PPFIA3: variants seen among roughly 807,000 people sequenced by gnomAD.
PPFIA3 encodes PPFI scaffold protein A3.
A neutral mutation model predicts 145.8 loss-of-function variants in PPFIA3; 26 were observed. That is an observed-to-expected ratio of 0.18 (90% CI 0.13 to 0.25). PPFIA3 has a LOEUF of 0.25. Ranked by LOEUF, PPFIA3 falls within the 10% of genes least tolerant of loss-of-function variation. The probability of loss-of-function intolerance (pLI) is 1.00; values close to 1 mark genes in which losing one functional copy is unlikely to be tolerated. For synonymous variants in PPFIA3, 645 were observed against 661.4 expected (o/e 0.98, Z 0.38); for missense variants, 1,008 against 1,587.8 (o/e 0.63, Z 6.21).
At chr19:49,146,388 C>A in intron 23 of PPFIA3, 196 bp downstream of exon 23, 2 of 666,374 alleles carry the variant, frequency 3.0e-6, no homozygotes, top group South Asian at 3.8e-5. Context: ...GATGTGGAAG[C>A]CCAGACTGTT....
chr19:49,142,768 C>A, intron 20 of PPFIA3, 36 bp from the exon 21 acceptor site: 2 of 1,595,694 alleles, frequency 1.3e-6, no homozygotes, highest in Non-Finnish European at 1.7e-6. Context: ...TCCTCTGTCC[C>A]TCTGTCCCCT....
rs750256296 is a variant in PPFIA3 at position 49,134,188 on chromosome 19, C to A, written c.1377+23C>A. ...AAGGTGCGCCCCCCATACAGGACTGCGGGACGCGGAATTCCGGGACTACCT... is the reference window on the plus strand; with the variant it reads ...AAGGTGCGCCCCCCATACAGGACTGAGGGACGCGGAATTCCGGGACTACCT... On this transcript the variant is annotated intron_variant, in intron 11 of 29. Coordinates refer to ENST00000334186, the MANE Select transcript of PPFIA3 (RefSeq NM_003660.4). 13 of 1,571,046 alleles carry A rather than the reference C, an allele frequency of 8.3e-6. No homozygotes were observed. The Admixed American group carries it at 1.2e-4, about 14-fold the overall frequency.
chr19:49,137,041 A>T (rs2041147033), intron 15 of PPFIA3, 130 bp downstream of exon 15: 1 of 857,662 alleles, frequency 1.2e-6, no homozygotes, highest in Non-Finnish European at 1.7e-6. Context: ...TTCCAGCCCA[A>T]CACTCACTCC....
At chr19:49,148,344 T>C in intron 24 of PPFIA3, 86 bp downstream of exon 24, 3 of 1,413,556 alleles carry the variant, frequency 2.1e-6, no homozygotes, top group Non-Finnish European at 2.8e-6. Flanking sequence ...CCATGGGAGA[T>C]TCCCAGGCTT....
At chr19:49,137,398 G>A (rs554955113) in intron 15 of PPFIA3, among the ~76,000 whole-genome samples, 20 of 152,072 alleles carry the variant, frequency 1.3e-4, no homozygotes, top group Admixed American at 8.5e-4. Context: ...TGAGGCCAGC[G>A]GATCATGAGG....
chr19:49,121,499 A>G (rs1171735881), intron 1 of PPFIA3, among the ~76,000 whole-genome samples: 1 of 152,098 alleles, frequency 6.6e-6, no homozygotes, highest in Non-Finnish European at 1.5e-5. Context: ...TTTTTTGGCC[A>G]GGCGCGGTGG....
intron 1 of PPFIA3, among the ~76,000 whole-genome samples, chr19:49,123,384 C>G (rs1445031801): frequency 6.6e-6 from 1 of 152,034 alleles, no homozygotes; most frequent in Non-Finnish European, 1.5e-5. Flanking sequence ...ATCCTCTCAC[C>G]TTGGCCTTCC....
In PPFIA3 at chr19:49,149,946, G is replaced by C. The variant is rs1184817624; in HGVS notation, c.3527-134G>C. ...AATGCGAGTTTGAGTCCTTGGCTGC[G>C]GGGAAGGGAGGGAAACCCATGTGGA... On this transcript the variant is annotated intron_variant, in intron 28 of 29. Coordinates refer to ENST00000334186, the MANE Select transcript of PPFIA3 (RefSeq NM_003660.4). This position sits in a 1 kb window ranked among gnomAD's most constrained non-coding sequence, Gnocchi z 5.7. 29 of 1,197,734 alleles carry C rather than the reference G, an allele frequency of 2.4e-5. No individual in the cohort carries two copies. The highest frequency in any genetic ancestry group is 3.3e-5 in the Non-Finnish European group (28 of 855,670). 74.2% of individuals were successfully genotyped at this position (1,197,734 alleles called of 1,614,324 possible).
rs559402589 is a variant in PPFIA3, at chr19:49,131,208, G to T, written c.879+609G>T. On this transcript the variant is annotated intron_variant, in intron 7 of 29. Transcript: ENST00000334186. ...TTTTGAGATGGAGTCTAGCTGTGTC[G>T]CCCAGGCTGGAGTGCAGTGTCGGGA... Among the ~76,000 whole-genome samples the T allele has an allele frequency of 3.3e-4, 42 of 128,066 alleles. 1 individual carries two copies. The highest frequency in any genetic ancestry group is 1.8e-3 in the South Asian group (7 of 3,914). 84.0% of individuals were successfully genotyped at this position (128,066 alleles called of 152,430 possible). A position where few individuals can be genotyped will look rare whatever the true frequency, so the allele number is the denominator to read the frequency against.
chr19:49,145,898 C>G, intron 21 of PPFIA3, 45 bp from the exon 22 acceptor site: 1 of 1,573,620 alleles, frequency 6.4e-7, no homozygotes, highest in Non-Finnish European at 8.7e-7. Context: ...CTCTCCCCCA[C>G]GCGAAGCCCT....
chr19:49,149,616 G>C lies in PPFIA3; in HGVS notation c.3424G>C (p.Val1142Leu). The C allele has an allele frequency of 6.2e-7, 1 of 1,614,200 alleles. No individual in the cohort carries two copies. Reference protein sequence around the residue: ...KMFREKDLRGVTPDSAEMLPP... With the variant: ...KMFREKDLRGLTPDSAEMLPP... ...GTTCCGGGAGAAGGACCTCCGAGGC[G>C]TAACTCCCGACTCAGCTGAGATGTT... Residue 1142 changes from valine (V) to leucine (L), a missense_variant, in exon 28 of 30, where the codon GTA becomes CTA. Around this residue, in one of 11 missense-constraint regions of PPFIA3, gnomAD observed 125 missense variants for 159.3 expected, o/e 0.78. Coordinates refer to ENST00000334186, the MANE Select transcript of PPFIA3 (RefSeq NM_003660.4). The surrounding 1 kb of genome is among the most constrained non-coding windows in gnomAD (Gnocchi z 5.7).
chr19:49,139,296 G>A (rs1028809426), intron 16 of PPFIA3, among the ~76,000 whole-genome samples: 9 of 150,364 alleles, frequency 6.0e-5, no homozygotes, highest in Admixed American at 6.0e-4. Flanking sequence ...CTGCACTCCA[G>A]CCTGGCGACA....
At position 49,129,374 on chromosome 19, in the gene PPFIA3, C is replaced by A; in HGVS notation, c.508-6C>A. 6.5e-7 allele frequency: 1 copy of A among 1,549,750 alleles called. No individual in the cohort carries two copies. Among genetic ancestry groups the A allele is most frequent in the Non-Finnish European group, 8.7e-7 (1 of 1,146,978 alleles). On this transcript the variant is annotated splice_region_variant and splice_polypyrimidine_tract_variant and intron_variant, in intron 4 of 29. Transcript: ENST00000334186. The stretch of plus-strand genomic sequence containing the variant: ...CAGCTGACTGTTGCCCTGCCCCGAT[C>A]CCCAGGTCCGGGAGCGGCTGCGGAT...
Position 49,149,345 on chromosome 19 carries a change from A to G in PPFIA3, c.3354+20A>G, listed in dbSNP as rs139453700. ...GACGAGGTGGGCGCGGCAACAGCTC[A>G]GAGGGCTCTGCTCCCAGCGGCTCCT... On this transcript the variant is annotated intron_variant, in intron 27 of 29. Transcript: ENST00000334186. The surrounding 1 kb of genome is among the most constrained non-coding windows in gnomAD (Gnocchi z 5.7). The G allele has an allele frequency of 9.6e-4, 1,552 of 1,613,090 alleles. 2 individuals carry two copies. The highest frequency in any genetic ancestry group is 1.2e-3 in the Non-Finnish European group (1,450 of 1,179,332).
At position 49,139,786 on chromosome 19, in the gene PPFIA3, C is replaced by T. The variant is rs2041193275; in HGVS notation, c.2195C>T (p.Ala732Val). Residue 732 changes from alanine (A) to valine (V), a missense_variant, in exon 17 of 30, where the codon GCA (alanine) becomes GTA (valine). Ala to Val is a moderately conservative substitution (Grantham distance 64). This residue lies in a region of PPFIA3 where 202 missense variants were observed against 241.8 expected (regional missense o/e 0.84). Coordinates refer to ENST00000334186, the MANE Select transcript of PPFIA3 (RefSeq NM_003660.4). The stretch of plus-strand genomic sequence containing the variant: ...CTTGAGAGAATGACCCAGGCCTTGG[C>T]ACTGCAGGCGGGGTCCCTGGAAGAT... Reference protein sequence around the residue: ...ARLERMTQALALQAGSLEDGG... With the variant: ...ARLERMTQALVLQAGSLEDGG... The T allele has an allele frequency of 1.9e-6, 3 of 1,613,214 alleles. No homozygotes were observed. The highest frequency in any genetic ancestry group is 2.5e-6 in the Non-Finnish European group (3 of 1,179,454).
At chr19:49,126,630 G>C (rs1046746102) in intron 1 of PPFIA3, among the ~76,000 whole-genome samples, 1 of 147,344 alleles carries the variant, frequency 6.8e-6, no homozygotes, top group African/African-American at 2.5e-5. Context: ...CCGGGGTCCA[G>C]ATTTCTGGGA....
Position 49,149,586 on chromosome 19 carries a change from A to C in PPFIA3, c.3394A>C (p.Lys1132Gln). 2 of 1,614,014 alleles carry C rather than the reference A, an allele frequency of 1.2e-6. No individual in the cohort carries two copies. The highest frequency in any genetic ancestry group is 1.7e-6 in the Non-Finnish European group (2 of 1,179,868). The change falls in exon 28 of 30, where the codon AAG becomes CAG. Residue 1132 changes from lysine (K) to glutamine (Q), a missense_variant. Lys to Gln is a moderately conservative substitution (Grantham distance 53, BLOSUM62 1). Transcript: ENST00000334186. The surrounding 1 kb of genome is among the most constrained non-coding windows in gnomAD (Gnocchi z 5.7). Reference protein sequence around the residue: ...KSFSRSPSWRKMFREKDLRGV... With the variant: ...KSFSRSPSWRQMFREKDLRGV... Reference sequence around the variant, plus strand: ...TTTCAGCCGCTCCCCATCCTGGCGGAAGATGTTCCGGGAGAAGGACCTCCG... The same window carrying C: ...TTTCAGCCGCTCCCCATCCTGGCGGCAGATGTTCCGGGAGAAGGACCTCCG...
At position 49,128,495 on chromosome 19, in the gene PPFIA3, A is replaced by G. The variant is rs1600327742; in HGVS notation, c.342+27A>G. On this transcript the variant is annotated intron_variant, in intron 3 of 29. Coordinates refer to ENST00000334186, the MANE Select transcript of PPFIA3 (RefSeq NM_003660.4). This position sits in a 1 kb window ranked among gnomAD's most constrained non-coding sequence, Gnocchi z 4.1. The stretch of plus-strand genomic sequence containing the variant: ...TGAGGGGTGTTGAGGGCGGGGCCTA[A>G]GTGGGGGCGGGGCCTCGTGGTGTTG... 16 of 459,140 alleles carry G rather than the reference A, an allele frequency of 3.5e-5. No individual in the cohort carries two copies. The highest frequency in any genetic ancestry group is 1.8e-4 in the South Asian group (6 of 32,742). The allele number at this position is 459,140 out of a possible 1,614,324, so 28.4% of individuals were successfully genotyped here.
chr19:49,148,830 G>C (rs1315193816), intron 25 of PPFIA3, 67 bp downstream of exon 25: 47 of 1,546,186 alleles, frequency 3.0e-5, no homozygotes, highest in Non-Finnish European at 3.9e-5. Context: ...GGGAGGAGAG[G>C]GGGTAGGGGG....
Sources: gnomAD v4.1 joint callset for allele counts (sites outside exome capture counted in the v4.1 genomes callset) on GRCh38, gnomAD v4.1.1 for gene constraint, gnomAD v4.1.1 regional missense constraint, Gnocchi (gnomAD v3.1) non-coding constraint, MANE v1.5 for transcripts, NCBI Gene and HGNC (gene_info 2026-07-23, HGNC 2026-07-21) for gene names.